Variants in PDE10A observed in about 807,000 individuals in gnomAD.
The protein encoded by PDE10A is phosphodiesterase 10A.
A neutral mutation model predicts 97.7 loss-of-function variants in PDE10A; 39 were observed. That is an observed-to-expected ratio of 0.40 (90% CI 0.31 to 0.52). The LOEUF is 0.52. Ranked by LOEUF, PDE10A falls within the 20% of genes least tolerant of loss-of-function variation. The probability of loss-of-function intolerance (pLI) is 0.56; values close to 1 mark genes in which losing one functional copy is unlikely to be tolerated. For synonymous variants in PDE10A, 371 were observed against 376.8 expected, an observed-to-expected ratio of 0.98 and a Z score of 0.18; for missense variants, 731 against 1,047.8, an observed-to-expected ratio of 0.70 and a Z score of 4.17.
chr6:165,452,809 T>C (rs555009388), intron 3 of PDE10A, among the ~76,000 whole-genome samples: 1 of 150,842 alleles, frequency 6.6e-6, no homozygotes, highest in African/African-American at 2.4e-5. Context: ...AACTGGGAAA[T>C]GAGTAGAGGA....
At chr6:165,690,061 T>C (rs1791229396) in intron 1 of PDE10A, among the ~76,000 whole-genome samples, 1 of 152,168 alleles carries the variant, frequency 6.6e-6, no homozygotes, top group Admixed American at 6.5e-5. Flanking sequence ...ATATCGAGTG[T>C]CTTATTAGGT....
rs368366107 is a variant in PDE10A at position 165,623,898 on chromosome 6, G to A, written c.865+38049C>T. Among the ~76,000 whole-genome samples the A allele has an allele frequency of 8.3e-4, 126 of 152,224 alleles. 1 individual carries two copies. In the South Asian group the frequency reaches 0.025, roughly 30 times the overall value. On this transcript the variant is annotated intron_variant, in intron 1 of 21. Transcript: ENST00000539869. The stretch of plus-strand genomic sequence containing the variant: ...TCTGAAAGTCCTCCTTTCTAGCCTG[G>A]CTTCCTCCTCCTCAGTGGCTGCATG...
At chr6:165,633,372 T>C (rs1788723789) in intron 1 of PDE10A, among the ~76,000 whole-genome samples, 1 of 152,194 alleles carries the variant, frequency 6.6e-6, no homozygotes, top group Non-Finnish European at 1.5e-5. Flanking sequence ...TTAAGTGATC[T>C]CTAGTAAAGA....
rs1482514675 is a variant in PDE10A, at chr6:165,655,423, C to A, written c.865+6524G>T. 1.3e-5 allele frequency among the ~76,000 whole-genome samples: 2 copies of A among 152,074 alleles called. No individual in the cohort carries two copies. Among genetic ancestry groups the A allele is most frequent in the Non-Finnish European group, 2.9e-5 (2 of 68,012 alleles). On this transcript the variant is annotated intron_variant, in intron 1 of 21. Coordinates refer to ENST00000539869, the MANE Select transcript of PDE10A (RefSeq NM_001385079.1). This position sits in a 1 kb window ranked among gnomAD's most constrained non-coding sequence, Gnocchi z 4.5. ...TCCCATCCCAATCCCAGTGAACAGC[C>A]CCACCATTTACCCAATCTTTCCAGC...
chr6:165,545,246 C>A (rs1430663514), intron 1 of PDE10A: 2 of 490,692 alleles, frequency 4.1e-6, no homozygotes, highest in Non-Finnish European at 8.0e-6. Context: ...AATGACGACA[C>A]CAAAATCTAA....
intron 1 of PDE10A, among the ~76,000 whole-genome samples, chr6:165,652,257 T>C (rs1472171685): frequency 6.6e-6 from 1 of 152,098 alleles, no homozygotes; most frequent in Non-Finnish European, 1.5e-5. Flanking sequence ...TTTTTTGTTG[T>C]TGTTCATTTT....
intron 1 of PDE10A, among the ~76,000 whole-genome samples, chr6:165,632,701 G>A (rs1478369533): frequency 1.3e-5 from 2 of 152,182 alleles, no homozygotes; most frequent in Non-Finnish European, 2.9e-5. Flanking sequence ...CAACCATGAG[G>A]GGTGAAGCGG....
chr6:165,804,454 A>G (rs1478808130), intron 1 of PDE10A, among the ~76,000 whole-genome samples: 1 of 152,204 alleles, frequency 6.6e-6, no homozygotes, highest in Admixed American at 6.5e-5. Context: ...AGAAAACAAG[A>G]ATGTTCACGT....
intron 1 of PDE10A, among the ~76,000 whole-genome samples, chr6:165,884,125 A>C (rs1054580248): frequency 1.3e-5 from 2 of 152,140 alleles, no homozygotes; most frequent in Non-Finnish European, 2.9e-5. Flanking sequence ...GGTCACCCAC[A>C]GTCCCAACGG....
intron 2 of PDE10A, among the ~76,000 whole-genome samples, chr6:165,542,687 C>T (rs1310385210): frequency 1.4e-5 from 2 of 138,158 alleles, no homozygotes; most frequent in African/African-American, 2.7e-5. Context: ...GGCGCGATCT[C>T]GGCTCACTGC....
intron 1 of PDE10A, among the ~76,000 whole-genome samples, chr6:165,632,200 C>CACA (rs750920657): frequency 4.5e-5 from 3 of 67,272 alleles, no homozygotes; most frequent in Non-Finnish European, 8.0e-5. Flanking sequence ...GAGTCCATCT[C>CACA]AAAAAAAAAA....
intron 1 of PDE10A, among the ~76,000 whole-genome samples, chr6:165,788,511 T>A (rs1778555303): frequency 3.0e-5 from 2 of 66,770 alleles, no homozygotes; most frequent in South Asian, 5.7e-4. Context: ...AGAAGGAAAC[T>A]CTGTCTCAAA....
intron 1 of PDE10A, among the ~76,000 whole-genome samples, chr6:165,760,455 C>T (rs1793223929): frequency 6.6e-6 from 1 of 152,196 alleles, no homozygotes; most frequent in South Asian, 2.1e-4. Context: ...AGCTAATACG[C>T]TTAGTTTACA....
intron 3 of PDE10A, among the ~76,000 whole-genome samples, chr6:165,469,998 T>G (rs221735): frequency 0.47 from 70,728 of 151,960 alleles, 16,600 homozygotes; most frequent in South Asian, 0.54. Flanking sequence ...ACTTTAGCCC[T>G]GTGGTTTTCA....
At chr6:165,797,483 A>G (rs1232001382) in intron 1 of PDE10A, among the ~76,000 whole-genome samples, 1 of 152,216 alleles carries the variant, frequency 6.6e-6, no homozygotes, top group Non-Finnish European at 1.5e-5. Flanking sequence ...GACAGAATCA[A>G]TTCTTCTCTT....
At chr6:165,882,263 C>T (rs1448409076) in intron 1 of PDE10A, among the ~76,000 whole-genome samples, 1 of 152,216 alleles carries the variant, frequency 6.6e-6, no homozygotes, top group South Asian at 2.1e-4. Flanking sequence ...GTTGATACAT[C>T]TGTCTGAGCA....
At chr6:165,436,815 GA>G (rs1333865622) in intron 5 of PDE10A, among the ~76,000 whole-genome samples, 4 of 152,164 alleles carry the variant, frequency 2.6e-5, no homozygotes, top group Non-Finnish European at 1.5e-5. Context: ...ACATGGCATA[GA>G]GTAAGACTAT....
rs566398174 is a variant in PDE10A, at chr6:165,750,805, C to T, written c.-614-207237G>A. ...TTTCCCACAGTTCCCCTAAGTCTGA[C>T]CTGCACAGAACGTGGTGTGAGGAGC... On this transcript the variant is annotated intron_variant, in intron 1 of 19. Coordinates refer to the PDE10A transcript ENST00000366882. Among the ~76,000 whole-genome samples the T allele has an allele frequency of 1.4e-4, 22 of 152,334 alleles. No individual in the cohort carries two copies. The South Asian group carries it at 1.9e-3, about 13-fold the overall frequency.
At chr6:165,791,688 C>T (rs904219130) in intron 1 of PDE10A, among the ~76,000 whole-genome samples, 1 of 152,204 alleles carries the variant, frequency 6.6e-6, no homozygotes, top group South Asian at 2.1e-4. Flanking sequence ...CCGTGGCCTT[C>T]ACCCTCCCAG....
Sources: allele counts gnomAD v4.1 joint callset (sites outside exome capture counted in the v4.1 genomes callset), GRCh38; gene constraint gnomAD v4.1.1; non-coding constraint Gnocchi (gnomAD v3.1); transcripts MANE v1.5; gene names NCBI Gene and HGNC (gene_info 2026-07-23, HGNC 2026-07-21).